SATB1: variants seen among roughly 807,000 people sequenced by gnomAD.
SATB1 encodes the protein SATB homeobox 1.
In SATB1, 11 loss-of-function variants were observed where a neutral mutation model predicts 86.9. The observed-to-expected ratio is 0.13, with a 90% CI of 0.08 to 0.21. SATB1 has a LOEUF of 0.21. Ranked by LOEUF, SATB1 falls within the 10% of genes least tolerant of loss-of-function variation. The pLI is 1.00. For synonymous variants in SATB1, 357 were observed against 357.2 expected (o/e 1.00, Z 0.01); for missense variants, 551 against 937.6 (o/e 0.59, Z 5.39).
At chr3:18,429,383 T>C (rs1350490558), upstream of SATB1, among the ~76,000 whole-genome samples, 1 of 152,224 alleles carries the variant, frequency 6.6e-6, no homozygotes, top group Non-Finnish European at 1.5e-5. The surrounding 1 kb of genome is among the most constrained non-coding windows in gnomAD (Gnocchi z 4.1). Context: ...CTGTAAACAT[T>C]GCACGCTTCT....
chr3:18,371,657 C>G (rs1695485456), intron 9 of SATB1, among the ~76,000 whole-genome samples: 1 of 152,008 alleles, frequency 6.6e-6, no homozygotes, highest in Admixed American at 6.6e-5. Flanking sequence ...TTCTATTGTC[C>G]TTTAGTATAA....
intron 7 of SATB1, among the ~76,000 whole-genome samples, chr3:18,388,565 T>C (rs1485329366): frequency 3.9e-5 from 6 of 152,088 alleles, no homozygotes; most frequent in Admixed American, 2.0e-4. Flanking sequence ...TTGATAAGTA[T>C]TTACTAAATG....
rs1698614064 is a variant in SATB1, at chr3:18,425,083, G to C, written c.-1481C>G. 6.2e-6 allele frequency: 1 copy of C among 160,046 alleles called. No individual in the cohort carries two copies. The highest frequency in any genetic ancestry group is 2.4e-5 in the African/African-American group (1 of 41,446). The allele number at this position is 160,046 out of a possible 1,614,324, so 9.9% of individuals were successfully genotyped here. ...CCCGGCCGCTGTCGCTGCCGCCGCC[G>C]TGCCCCGCTCGGCTCCGCGCGTCCG... On this transcript the variant is annotated 5_prime_UTR_variant, in exon 1 of 11. Coordinates refer to ENST00000338745, the MANE Select transcript of SATB1 (RefSeq NM_002971.6).
intron 7 of SATB1, among the ~76,000 whole-genome samples, chr3:18,391,248 A>G (rs946403603): frequency 2.0e-5 from 3 of 152,196 alleles, no homozygotes; most frequent in Admixed American, 1.3e-4. Flanking sequence ...CAGAGCTTCA[A>G]TGACTAAAAT....
rs1303239197 is a variant in SATB1 at position 18,420,693 on chromosome 3, C to G, written c.211+64G>C. The G allele has an allele frequency of 5.3e-6, 7 of 1,323,518 alleles. No individual in the cohort carries two copies. The East Asian group carries it at 1.6e-4, about 30-fold the overall frequency. 82.0% of individuals were successfully genotyped at this position (1,323,518 alleles called of 1,614,324 possible). On this transcript the variant is annotated intron_variant, in intron 2 of 10. Transcript: ENST00000338745. ...CATGTTCTGCCACTCCACCCCCACA[C>G]AGTGTGGCCTTGTGTAGACAACAGG... is the stretch of plus-strand genomic sequence containing the variant.
rs1553629859 is a variant in SATB1 at position 18,445,288 on chromosome 3, AGCC to A, written c.-25+227_-25+229del. 34 of 981,654 alleles carry A rather than the reference AGCC, an allele frequency of 3.5e-5. No individual in the cohort carries two copies. The East Asian group carries it at 3.5e-4, about 10-fold the overall frequency. 60.8% of individuals were successfully genotyped at this position (981,654 alleles called of 1,614,324 possible). ...TGAAGCCCGAGCCGAGCCGAGCCCG[AGCC>A]GCCGCCGCCGCCGCCGCTGCTGCGC... On this transcript the variant is annotated intron_variant, in intron 1 of 3. Transcript: ENST00000415069.
chr3:18,395,108 T>C (rs1020400261), intron 6 of SATB1, among the ~76,000 whole-genome samples, 192 bp from the exon 7 acceptor site: 1 of 152,182 alleles, frequency 6.6e-6, no homozygotes, highest in African/African-American at 2.4e-5. Flanking sequence ...TCTACAAACT[T>C]TGGAAATGGG....
intron 2 of SATB1, among the ~76,000 whole-genome samples, chr3:18,418,458 TCA>T (rs946050624): frequency 1.3e-5 from 2 of 152,096 alleles, no homozygotes; most frequent in African/African-American, 4.8e-5. Flanking sequence ...TTAGAAAAAC[TCA>T]CAAACTCATT....
rs140832291 is a variant in SATB1 at position 18,381,211 on chromosome 3, A to G, written c.1420-2886T>C. Among the ~76,000 whole-genome samples, 665 of 152,284 alleles carry G rather than the reference A, an allele frequency of 4.4e-3. 1 individual carries two copies. Among genetic ancestry groups the G allele is most frequent in the East Asian group, 0.011 (58 of 5,182 alleles). ...CATAAAAACTCTATTTTGCTTCTTC[A>G]TGGATTGCTGTATGCATTGAATCAT... On this transcript the variant is annotated intron_variant, in intron 8 of 10. Coordinates refer to ENST00000338745, the MANE Select transcript of SATB1 (RefSeq NM_002971.6).
intron 10 of SATB1, chr3:18,350,519 C>G (rs1694297493): frequency 6.6e-6 from 1 of 152,294 alleles, no homozygotes; most frequent in South Asian, 2.1e-4. Context: ...ATCCATAATT[C>G]TTATCAGCAA....
chr3:18,391,297 G>T (rs1421948506), intron 7 of SATB1, among the ~76,000 whole-genome samples: 2 of 152,068 alleles, frequency 1.3e-5, no homozygotes, highest in Non-Finnish European at 2.9e-5. Flanking sequence ...TCATATTAAG[G>T]TCTTAATGCC....
intron 5 of SATB1, among the ~76,000 whole-genome samples, chr3:18,407,662 C>T (rs1697614182): frequency 1.3e-5 from 2 of 152,016 alleles, no homozygotes; most frequent in South Asian, 4.1e-4. Flanking sequence ...CTGGCCACAA[C>T]ATAACTCACA....
In SATB1 at chr3:18,416,947, A is replaced by G. The variant is rs754384743; in HGVS notation, c.343T>C (p.Leu115=). 1.2e-6 allele frequency: 2 copies of G among 1,613,628 alleles called. No individual in the cohort carries two copies. Among genetic ancestry groups the G allele is most frequent in the Admixed American group, 3.3e-5 (2 of 59,982 alleles). The part of the protein sequence containing the change: ...MLFNQLIEMA[L]LSLGYSHSSA... Reference sequence around the variant, plus strand: ...CTATGTGAATAACCTAGAGACAGCAATGCCATTTCGATCAGCTGGTTGAAA... The same window carrying G: ...CTATGTGAATAACCTAGAGACAGCAGTGCCATTTCGATCAGCTGGTTGAAA... The change falls in exon 3 of 11, where the codon TTG becomes CTG. Residue 115 remains leucine (L), a synonymous_variant. Transcript: ENST00000338745.
At chr3:18,356,274 T>C (rs1483945716) in intron 9 of SATB1, among the ~76,000 whole-genome samples, 6 of 151,922 alleles carry the variant, frequency 3.9e-5, no homozygotes, top group African/African-American at 1.4e-4. Flanking sequence ...GTTATGTACT[T>C]TATAGTAACC....
chr3:18,351,873 T>C lies in SATB1; in HGVS notation c.1779+119A>G, dbSNP rs1341334649. ...CCTGAGCAAGATGGCAGTGTATTGT[T>C]ATCTCTTGCTAAAAAGCCTATGGTT... On this transcript the variant is annotated intron_variant, in intron 10 of 10. Transcript: ENST00000338745. 7.9e-6 allele frequency: 7 copies of C among 891,250 alleles called. No individual in the cohort carries two copies. The African/African-American group carries it at 8.3e-5, about 11-fold the overall frequency. The allele number at this position is 891,250 out of a possible 1,614,324, so 55.2% of individuals were successfully genotyped here. A position where few individuals can be genotyped will look rare whatever the true frequency, so the allele number is the denominator to read the frequency against.
intron 9 of SATB1, among the ~76,000 whole-genome samples, chr3:18,354,580 T>G (rs1403670274): frequency 6.6e-6 from 1 of 152,130 alleles, no homozygotes; most frequent in Admixed American, 6.5e-5. Flanking sequence ...AACTAAAAAT[T>G]GCTAAAAGTT....
At chr3:18,402,558 A>C (rs953856042) in intron 5 of SATB1, among the ~76,000 whole-genome samples, 2 of 152,162 alleles carry the variant, frequency 1.3e-5, no homozygotes, top group Admixed American at 1.3e-4. Flanking sequence ...AAACCATGTC[A>C]GCTTTAAAGG....
chr3:18,445,528 G>T, exon 1 of SATB1: 1 of 985,620 alleles, frequency 1.0e-6, no homozygotes, highest in Non-Finnish European at 1.2e-6. Context: ...CTCTCCGGGG[G>T]CCCCCAACAC....
In SATB1 at chr3:18,394,917, C is replaced by T; in HGVS notation, c.752-1G>A. ...AGCTCAGAAAGACTATCCATTTCAA[C>T]TAAAGTGGACAAAGAGTAAAATCAC... On this transcript the variant is annotated splice_acceptor_variant, in intron 6 of 10. Transcript: ENST00000338745. LOFTEE classifies it high-confidence loss of function. This position sits in a 1 kb window ranked among gnomAD's most constrained non-coding sequence, Gnocchi z 5.9. 6.4e-7 allele frequency: 1 copy of T among 1,569,518 alleles called. No individual in the cohort carries two copies.
Sources: allele counts gnomAD v4.1 joint callset (sites outside exome capture counted in the v4.1 genomes callset), GRCh38; gene constraint gnomAD v4.1.1; non-coding constraint Gnocchi (gnomAD v3.1); transcripts MANE v1.5; gene names NCBI Gene and HGNC (gene_info 2026-07-23, HGNC 2026-07-21).